RAB10: variants seen among roughly 807,000 people sequenced by gnomAD.
The protein encoded by RAB10 is ras-related protein Rab-10.
RAB10 carries 5 observed loss-of-function variants against 25.7 expected under a neutral mutation model. The ratio of observed to expected loss-of-function variants is 0.19; its 90% CI spans 0.10 to 0.41. The LOEUF (loss-of-function observed/expected upper bound fraction) is 0.41, where lower values mean the gene tolerates loss of function less well. Among genes scored for constraint, RAB10 ranks in the 10% least tolerant of loss-of-function variants. RAB10 has a pLI of 1.00. For synonymous variants in RAB10, 89 were observed against 86.4 expected (o/e 1.03, Z -0.16); for missense variants, 103 against 245.8 (o/e 0.42, Z 3.89).
intron 2 of RAB10, among the ~76,000 whole-genome samples, chr2:26,099,840 T>C (rs1265202621): frequency 2.0e-5 from 3 of 151,952 alleles, no homozygotes; most frequent in Admixed American, 6.6e-5. Flanking sequence ...CTGCGCCTGG[T>C]CAATTTTTTT....
intron 1 of RAB10, among the ~76,000 whole-genome samples, chr2:26,049,454 G>A (rs1333139541): frequency 6.6e-6 from 1 of 151,014 alleles, no homozygotes; most frequent in African/African-American, 2.4e-5. Context: ...TGTTGCCCAG[G>A]CTGGAGTGCA....
intron 1 of RAB10, among the ~76,000 whole-genome samples, chr2:26,078,561 G>A (rs1666788506): frequency 6.6e-6 from 1 of 152,158 alleles, no homozygotes; most frequent in African/African-American, 2.4e-5. Flanking sequence ...TCAGTAGGCA[G>A]GACTAGGGTG....
At position 26,059,623 on chromosome 2, in the gene RAB10, T is replaced by C. The variant is rs567154564; in HGVS notation, c.127+24888T>C. 4.0e-3 allele frequency among the ~76,000 whole-genome samples: 605 copies of C among 152,296 alleles called. 1 individual carries two copies. Among genetic ancestry groups the C allele is most frequent in the Non-Finnish European group, 7.0e-3 (479 of 68,028 alleles). ...TACCATACGATGCAGCAATCCCACT[T>C]CCAAGTATATATCCCAAAGAACTGA... On this transcript the variant is annotated intron_variant, in intron 1 of 5. Coordinates refer to ENST00000264710, the MANE Select transcript of RAB10 (RefSeq NM_016131.5).
At chr2:26,109,556 G>A (rs1667531257) in intron 2 of RAB10, among the ~76,000 whole-genome samples, 2 of 152,148 alleles carry the variant, frequency 1.3e-5, no homozygotes, top group Non-Finnish European at 2.9e-5. Context: ...TTTCTATGGT[G>A]TTTGCTAGTG....
chr2:26,123,665 C>T (rs1467923135), intron 3 of RAB10, among the ~76,000 whole-genome samples: 1 of 152,062 alleles, frequency 6.6e-6, no homozygotes, highest in Non-Finnish European at 1.5e-5. Flanking sequence ...AGGAAGAAGG[C>T]AAAGAAGTAG....
At chr2:26,074,875 T>C (rs1300378372) in intron 1 of RAB10, among the ~76,000 whole-genome samples, 2 of 152,232 alleles carry the variant, frequency 1.3e-5, no homozygotes, top group East Asian at 1.9e-4. Flanking sequence ...TAAGAGCTGT[T>C]ATGAGGATCG....
At chr2:26,050,358 A>G (rs1053731972) in intron 1 of RAB10, among the ~76,000 whole-genome samples, 2 of 152,162 alleles carry the variant, frequency 1.3e-5, no homozygotes, top group Middle Eastern at 6.8e-3. Context: ...TTTATCCTTT[A>G]TTTGTAGGAT....
chr2:26,096,430 C>CTGGATGGATGGATGGA (rs10522075), intron 1 of RAB10, among the ~76,000 whole-genome samples: 1 of 150,344 alleles, frequency 6.7e-6, no homozygotes, highest in African/African-American at 2.5e-5. Flanking sequence ...GGCTGGCTGG[C>CTGGATGGATGGATGGA]TGGATGGATG....
At chr2:26,070,783 A>G (rs923864370) in intron 1 of RAB10, among the ~76,000 whole-genome samples, 8 of 152,234 alleles carry the variant, frequency 5.3e-5, no homozygotes, top group African/African-American at 1.9e-4. Context: ...TAATAGAAGC[A>G]TCCCATTGTA....
chr2:26,060,186 G>A (rs1240751103), intron 1 of RAB10, among the ~76,000 whole-genome samples: 1 of 152,138 alleles, frequency 6.6e-6, no homozygotes, highest in African/African-American at 2.4e-5. Flanking sequence ...GGAAAGAGAA[G>A]GAAATTATTG....
chr2:26,072,117 A>T (rs1439165045), intron 1 of RAB10, among the ~76,000 whole-genome samples: 1 of 152,152 alleles, frequency 6.6e-6, no homozygotes, highest in Non-Finnish European at 1.5e-5. Context: ...TAACTGATGG[A>T]TTTTAATATA....
At chr2:26,051,705 GATTGCGC>G (rs2149264238) in intron 1 of RAB10, among the ~76,000 whole-genome samples, 1 of 150,802 alleles carries the variant, frequency 6.6e-6, no homozygotes, top group Admixed American at 6.6e-5. Context: ...AGTGAACCAA[GATTGCGC>G]CACTGCACTC....
At chr2:26,043,661 G>T (rs1665937375) in intron 1 of RAB10, among the ~76,000 whole-genome samples, 1 of 152,148 alleles carries the variant, frequency 6.6e-6, no homozygotes, top group Non-Finnish European at 1.5e-5. Context: ...AAATGAGTTG[G>T]ACACAAAAGG....
At chr2:26,039,110 C>G (rs559685043) in intron 1 of RAB10, among the ~76,000 whole-genome samples, 143 of 151,066 alleles carry the variant, frequency 9.5e-4, no homozygotes, top group African/African-American at 3.3e-3. Context: ...ACCTCCGCCT[C>G]CTAGGTTCAA....
At chr2:26,035,153 G>T (rs993530927) in intron 1 of RAB10, among the ~76,000 whole-genome samples, 2 of 152,222 alleles carry the variant, frequency 1.3e-5, no homozygotes, top group Admixed American at 6.5e-5. Context: ...GCAAAGAAAA[G>T]ATTCCATATG....
intron 1 of RAB10, among the ~76,000 whole-genome samples, chr2:26,051,702 C>A (rs1202100052): frequency 4.1e-5 from 6 of 147,632 alleles, no homozygotes; most frequent in African/African-American, 1.5e-4. Flanking sequence ...TGCAGTGAAC[C>A]AAGATTGCGC....
chr2:26,113,246 A>AAAACATTTGAC (rs1428232456), intron 3 of RAB10, among the ~76,000 whole-genome samples: 2 of 152,126 alleles, frequency 1.3e-5, no homozygotes, highest in African/African-American at 2.4e-5. Flanking sequence ...TCACACAGAA[A>AAAACATTTGAC]AAACATTTGA....
chr2:26,079,304 G>A (rs879843574), intron 1 of RAB10, among the ~76,000 whole-genome samples: 1 of 135,826 alleles, frequency 7.4e-6, no homozygotes, highest in East Asian at 2.2e-4. Flanking sequence ...GAGCTAGCAA[G>A]TTTGAAACAC....
chr2:26,102,439 C>CTTTTTTTTTTTTTTT (rs562310195), intron 2 of RAB10, among the ~76,000 whole-genome samples: 1 of 124,372 alleles, frequency 8.0e-6, no homozygotes, highest in African/African-American at 3.1e-5. Flanking sequence ...TTTTTTCTTT[C>CTTTTTTTTTTTTTTT]TTTTTTTTTT....
Sources: allele counts gnomAD v4.1 joint callset (sites outside exome capture counted in the v4.1 genomes callset), GRCh38; gene constraint gnomAD v4.1.1; transcripts MANE v1.5; gene names NCBI Gene and HGNC (gene_info 2026-07-23, HGNC 2026-07-21).